The following REV3L variants were observed in gnomAD, a reference collection of about 807,000 sequenced individuals.
The protein encoded by REV3L is REV3 like, DNA directed polymerase zeta catalytic subunit, also known as DNA polymerase zeta catalytic subunit.
A neutral mutation model predicts 299.4 loss-of-function variants in REV3L; 69 were observed. The observed-to-expected ratio is 0.23, with a 90% confidence interval of 0.19 to 0.28. REV3L has a LOEUF of 0.28. REV3L is among the 10% of genes least tolerant of loss of function. The pLI, the probability that REV3L is intolerant of heterozygous loss-of-function variation, is 1.00. For missense variants in REV3L, 3,128 were observed against 3,693.8 expected (o/e 0.85, Z 3.97); for synonymous variants, 1,238 against 1,271.4 (o/e 0.97, Z 0.56).
At chr6:111,347,036 G>A (rs463242) in intron 20 of REV3L, among the ~76,000 whole-genome samples, 60,646 of 151,958 alleles carry the variant, frequency 0.4, 14,632 homozygotes, top group Non-Finnish European at 0.54. Flanking sequence ...TTGGGAGGCC[G>A]AGGTGGGCAG....
chr6:111,483,675 T>C, upstream of REV3L: 2 of 398,006 alleles, frequency 5.0e-6, no homozygotes, highest in East Asian at 1.1e-4. Context: ...GGTAAGAAAA[T>C]CCGCCCGCGT....
At chr6:111,322,049 T>C (rs1278864101) in intron 26 of REV3L, among the ~76,000 whole-genome samples, 1 of 152,148 alleles carries the variant, frequency 6.6e-6, no homozygotes, top group Non-Finnish European at 1.5e-5. Context: ...CCATAAATAA[T>C]AGGCTTGAGG....
At chr6:111,465,518 G>C (rs1221580896) in intron 1 of REV3L, among the ~76,000 whole-genome samples, 1 of 151,654 alleles carries the variant, frequency 6.6e-6, no homozygotes, top group Non-Finnish European at 1.5e-5. Context: ...CGGATCACTT[G>C]AGGTCAGGAG....
chr6:111,413,360 T>C (rs1784443915), intron 2 of REV3L, among the ~76,000 whole-genome samples: 1 of 152,066 alleles, frequency 6.6e-6, no homozygotes, highest in Non-Finnish European at 1.5e-5. Flanking sequence ...TCGTAATTAG[T>C]TTTTTAAGTA....
chr6:111,474,988 TACACACACACACACACAC>T (rs36213449), intron 1 of REV3L, among the ~76,000 whole-genome samples: 2 of 145,844 alleles, frequency 1.4e-5, no homozygotes, highest in Non-Finnish European at 3.0e-5. Flanking sequence ...TGCCTATATA[TACACACACACACACACAC>T]ACACACACAC....
In REV3L at chr6:111,481,103, G is replaced by GA. The variant is rs982050847; in HGVS notation, c.139+1646dup. 3.2e-4 allele frequency among the ~76,000 whole-genome samples: 49 copies of GA among 152,212 alleles called. 1 individual carries two copies. Among genetic ancestry groups the GA allele is most frequent in the African/African-American group, 1.2e-3 (48 of 41,534 alleles). Reference sequence around the variant, plus strand: ...CATATTTAATGACTTGTGTGGAGGAGAAAAAATTATGTGTGGAAAAGTAAC... The same window carrying GA: ...CATATTTAATGACTTGTGTGGAGGAGAAAAAAATTATGTGTGGAAAAGTAAC... On this transcript the variant is annotated intron_variant, in intron 1 of 31. Transcript: ENST00000368802.
At chr6:111,421,847 G>T (rs760384002) in intron 1 of REV3L, among the ~76,000 whole-genome samples, 12 of 152,002 alleles carry the variant, frequency 7.9e-5, no homozygotes, top group Non-Finnish European at 1.5e-5. Flanking sequence ...CTTCTTCCTG[G>T]AACATCTCAA....
intron 25 of REV3L, among the ~76,000 whole-genome samples, chr6:111,326,911 C>T (rs931182827): frequency 3.9e-5 from 6 of 152,014 alleles, no homozygotes; most frequent in Non-Finnish European, 8.8e-5. Context: ...GCTTTTTCCA[C>T]TCATGATTTC....
At chr6:111,481,443 T>C (rs1281838938) in intron 1 of REV3L, among the ~76,000 whole-genome samples, 3 of 152,206 alleles carry the variant, frequency 2.0e-5, no homozygotes, top group Non-Finnish European at 4.4e-5. Flanking sequence ...AAGGTTCATA[T>C]CAAAATCATA....
chr6:111,436,659 G>A (rs1787591506), intron 1 of REV3L, among the ~76,000 whole-genome samples: 1 of 152,124 alleles, frequency 6.6e-6, no homozygotes, highest in Non-Finnish European at 1.5e-5. Context: ...AAGAGAGGTT[G>A]ATTAAGGGGT....
chr6:111,338,771 A>T (rs905374576), intron 21 of REV3L, among the ~76,000 whole-genome samples: 1 of 152,160 alleles, frequency 6.6e-6, no homozygotes, highest in Non-Finnish European at 1.5e-5. Context: ...ACTTAAATAA[A>T]TGGATATAAT....
intron 18 of REV3L, among the ~76,000 whole-genome samples, chr6:111,355,497 A>G (rs1777996575): frequency 1.3e-5 from 2 of 152,322 alleles, no homozygotes. Flanking sequence ...AGAACACTAT[A>G]GAATTGAAAA....
Position 111,431,330 on chromosome 6 carries a change from G to A in REV3L, c.140-14858C>T. ...CACAGCAAAAGAAATGGAGATTACA[G>A]AAGTAGAGCCACCAGGATGTCTGGA... On this transcript the variant is annotated intron_variant, in intron 1 of 31. Transcript: ENST00000368802. 2.7e-6 allele frequency: 3 copies of A among 1,092,994 alleles called. No individual in the cohort carries two copies. The Admixed American group carries it at 5.1e-5, about 18-fold the overall frequency. The allele number at this position is 1,092,994 out of a possible 1,614,324, so 67.7% of individuals were successfully genotyped here.
At chr6:111,327,547 C>T (rs1366149849) in intron 25 of REV3L, among the ~76,000 whole-genome samples, 1 of 136,858 alleles carries the variant, frequency 7.3e-6, no homozygotes. Context: ...AAGCAAGACG[C>T]TGTTTCAAAA....
chr6:111,461,586 T>C (rs28770304), intron 1 of REV3L, among the ~76,000 whole-genome samples: 49,723 of 151,846 alleles, frequency 0.33, 10,506 homozygotes, highest in African/African-American at 0.58. Flanking sequence ...ATATATTGCA[T>C]GTTGATTGCA....
At chr6:111,318,889 A>G (rs959051880) in intron 26 of REV3L, among the ~76,000 whole-genome samples, 3 of 152,142 alleles carry the variant, frequency 2.0e-5, no homozygotes, top group South Asian at 4.1e-4. Context: ...GCACATACAC[A>G]TATTTCTGTA....
chr6:111,311,307 T>C, intron 28 of REV3L, 48 bp from the exon 29 acceptor site: 1 of 1,417,676 alleles, frequency 7.1e-7, no homozygotes, highest in Non-Finnish European at 9.6e-7. Flanking sequence ...TCTCCTAGTA[T>C]GTTTCACCAT....
intron 21 of REV3L, among the ~76,000 whole-genome samples, chr6:111,339,162 A>T (rs1350053275): frequency 6.6e-6 from 1 of 152,164 alleles, no homozygotes; most frequent in Non-Finnish European, 1.5e-5. Flanking sequence ...CTCTATCCTG[A>T]AAAGAAAGAC....
intron 1 of REV3L, among the ~76,000 whole-genome samples, chr6:111,472,607 T>A (rs1015408416): frequency 1.4e-4 from 21 of 151,944 alleles, no homozygotes; most frequent in Admixed American, 6.6e-5. Flanking sequence ...AAATTTTCCA[T>A]TGACAATTAC....
Sources: gnomAD v4.1 joint callset for allele counts (sites outside exome capture counted in the v4.1 genomes callset) on GRCh38, gnomAD v4.1.1 for gene constraint, MANE v1.5 for transcripts, NCBI Gene and HGNC (gene_info 2026-07-23, HGNC 2026-07-21) for gene names.